The following SCNN1A variants were observed in gnomAD, a reference collection of about 807,000 sequenced individuals.
The protein encoded by SCNN1A is epithelial sodium channel subunit alpha.
A neutral mutation model predicts 68.6 loss-of-function variants in SCNN1A; 65 were observed. The ratio of observed to expected loss-of-function variants is 0.95; its 90% CI spans 0.78 to 1.16. SCNN1A has a LOEUF of 1.16. SCNN1A is among the 50% of genes most tolerant of loss of function. SCNN1A has a pLI of 0.00. For missense variants in SCNN1A, 880 were observed against 865.9 expected (o/e 1.02, Z -0.20); for synonymous variants, 357 against 353.3 (o/e 1.01, Z -0.12).
intron 4 of SCNN1A, among the ~76,000 whole-genome samples, chr12:6,361,127 T>C (rs1238661032): frequency 2.6e-5 from 4 of 152,242 alleles, no homozygotes; most frequent in Non-Finnish European, 5.9e-5. Context: ...TTTGATGTAG[T>C]CCAAATGCCT....
chr12:6,348,646 C>G (rs1015614530), intron 12 of SCNN1A, 81 bp downstream of exon 12: 1 of 1,228,112 alleles, frequency 8.1e-7, no homozygotes, highest in African/African-American at 1.5e-5. Flanking sequence ...CCCACAGAGA[C>G]AACCTTTTGG....
Position 6,374,438 on chromosome 12 carries a change from G to A in SCNN1A, c.346C>T (p.Leu116Phe), listed in dbSNP as rs777501442. 1.9e-6 allele frequency: 3 copies of A among 1,614,216 alleles called. No individual in the cohort carries two copies. In the East Asian group the frequency reaches 6.7e-5, roughly 36 times the overall value. Residue 116 changes from leucine to phenylalanine, a missense_variant, in exon 2 of 13, where the codon CTC (leucine) becomes TTC (phenylalanine). Leu to Phe is a conservative substitution (Grantham distance 22). Transcript: ENST00000228916. This position sits in a 1 kb window ranked among gnomAD's most constrained non-coding sequence, Gnocchi z 6.2. ...FGEYFSYPVS[L>F]NINLNSDKLV... is the part of the protein sequence containing the mutation. ...TTGTCCGAGTTGAGGTTGATGTTGAGGCTGACGGGGTAGCTGAAGTACTCT... is the reference window on the plus strand; with the variant it reads ...TTGTCCGAGTTGAGGTTGATGTTGAAGCTGACGGGGTAGCTGAAGTACTCT...
At chr12:6,362,011 G>A (rs1234498378) in intron 4 of SCNN1A, 40 bp downstream of exon 4, 1 of 1,606,966 alleles carries the variant, frequency 6.2e-7, no homozygotes, top group Non-Finnish European at 8.5e-7. Flanking sequence ...CAGGGAAGCG[G>A]ACCCCGCGGA....
chr12:6,353,626 G>A (rs1355556235), intron 8 of SCNN1A: 1 of 122,302 alleles, frequency 8.2e-6, no homozygotes, highest in African/African-American at 3.6e-5. Context: ...GAGTCTCGCT[G>A]TCACCCAGGC....
chr12:6,362,450 A>G (rs1446687202), intron 3 of SCNN1A, among the ~76,000 whole-genome samples: 1 of 152,190 alleles, frequency 6.6e-6, no homozygotes, highest in African/African-American at 2.4e-5. Context: ...GTTGCAGGCC[A>G]GGAAAGGAGA....
chr12:6,354,073 AC>A (rs1379742313), intron 8 of SCNN1A, among the ~76,000 whole-genome samples: 17 of 151,352 alleles, frequency 1.1e-4, no homozygotes, highest in Admixed American at 2.6e-4. Flanking sequence ...TACTAAAAAT[AC>A]CAAAAAATTA....
At chr12:6,356,911 T>A (rs938037201) in intron 4 of SCNN1A, among the ~76,000 whole-genome samples, 2 of 152,140 alleles carry the variant, frequency 1.3e-5, no homozygotes, top group African/African-American at 4.8e-5. Context: ...GGTTGTACGG[T>A]CTCAAGCAGG....
chr12:6,361,265 C>T (rs1948575530), intron 4 of SCNN1A, among the ~76,000 whole-genome samples: 2 of 152,320 alleles, frequency 1.3e-5, no homozygotes, highest in South Asian at 2.1e-4. Context: ...TGATGTGATA[C>T]ATCCAGAGTC....
Position 6,354,496 on chromosome 12 carries a change from G to T in SCNN1A, c.1302C>A (p.Ile434=). 6.2e-7 allele frequency: 1 copy of T among 1,613,860 alleles called. No individual in the cohort carries two copies. The highest frequency in any genetic ancestry group is 8.5e-7 in the Non-Finnish European group (1 of 1,180,006). The part of the protein sequence containing the change: ...SMIKECGCAY[I]FYPRPQNVEY... ...CCACGTTCTGGGGCCGCGGATAGAA[G>T]ATGTAGGCACAGCCACACTCCTTGA... is the stretch of plus-strand genomic sequence containing the variant. The change falls in exon 8 of 13, where the codon ATC becomes ATA. Residue 434 remains isoleucine (I), a synonymous_variant. Coordinates refer to ENST00000228916, the MANE Select transcript of SCNN1A (RefSeq NM_001038.6).
chr12:6,359,541 G>A (rs1331072812), intron 4 of SCNN1A, among the ~76,000 whole-genome samples: 2 of 152,104 alleles, frequency 1.3e-5, no homozygotes, highest in Admixed American at 6.6e-5. Context: ...TCACAGTAAT[G>A]AGTGAATCCT....
At chr12:6,368,325 A>G (rs1354686750) in intron 2 of SCNN1A, among the ~76,000 whole-genome samples, 1 of 152,156 alleles carries the variant, frequency 6.6e-6, no homozygotes, top group East Asian at 1.9e-4. Context: ...AGGTACAGAA[A>G]CACCCGGATT....
chr12:6,348,829 G>C (rs1462134195), intron 11 of SCNN1A, 27 bp from the exon 12 acceptor site: 1 of 1,610,512 alleles, frequency 6.2e-7, no homozygotes, highest in Non-Finnish European at 8.5e-7. Context: ...AGGGTGGGAA[G>C]AAATGGTAGA....
intron 8 of SCNN1A, among the ~76,000 whole-genome samples, chr12:6,352,585 G>A (rs1297819774): frequency 6.6e-6 from 1 of 152,202 alleles, no homozygotes; most frequent in Non-Finnish European, 1.5e-5. Flanking sequence ...GAAATCACAG[G>A]TGGCATCTCC....
rs1948889421 is a variant in SCNN1A, at chr12:6,375,525, G to C, written c.-75C>G. On this transcript the variant is annotated 5_prime_UTR_variant, in exon 1 of 13. Transcript: ENST00000228916. ...CTCACCTGACAGGTGCAGCGGCCTG[G>C]CTGGGGAGCCCGCCCGCTGGCCGGC... is the stretch of plus-strand genomic sequence containing the variant. The C allele has an allele frequency of 2.0e-6, 3 of 1,535,376 alleles. No individual in the cohort carries two copies. The highest frequency in any genetic ancestry group is 2.6e-6 in the Non-Finnish European group (3 of 1,146,740).
chr12:6,375,624 G>C, upstream of SCNN1A: 4 of 1,498,640 alleles, frequency 2.7e-6, no homozygotes, highest in Non-Finnish European at 3.6e-6. Context: ...GGGCTGAGGA[G>C]GAGTCAGAGC....
intron 4 of SCNN1A, among the ~76,000 whole-genome samples, chr12:6,359,932 G>A (rs184519384): frequency 7.2e-5 from 11 of 152,034 alleles, no homozygotes; most frequent in East Asian, 5.8e-4. Flanking sequence ...CACCACACCC[G>A]GCTAATTTTT....
rs921808400 is a variant in SCNN1A at position 6,347,640 on chromosome 12, G to A, written c.*233C>T. 3.4e-6 allele frequency: 2 copies of A among 583,404 alleles called. No homozygotes were observed. The highest frequency in any genetic ancestry group is 6.1e-6 in the Non-Finnish European group (2 of 326,094). The allele number at this position is 583,404 out of a possible 1,614,324, so 36.1% of individuals were successfully genotyped here. A position where few individuals can be genotyped will look rare whatever the true frequency, so the allele number is the denominator to read the frequency against. On this transcript the variant is annotated 3_prime_UTR_variant, in exon 13 of 13. Transcript: ENST00000228916. The stretch of plus-strand genomic sequence containing the variant: ...TTGGGTGGGGAAACCAGAGTGTTCA[G>A]AGGCAGTACCAAGGGGTACAGGGCT...
At chr12:6,363,896 G>A in intron 2 of SCNN1A, 186 bp from the exon 3 acceptor site, 1 of 483,474 alleles carries the variant, frequency 2.1e-6, no homozygotes, top group South Asian at 3.8e-5. Context: ...GTGTCCGCCG[G>A]GAAGGCGGAG....
chr12:6,355,969 C>G lies in SCNN1A; in HGVS notation c.876-89G>C. On this transcript the variant is annotated intron_variant, in intron 4 of 12. Coordinates refer to ENST00000228916, the MANE Select transcript of SCNN1A (RefSeq NM_001038.6). ...TGAGGCAGAGAGAAATGTCCACTCT[C>G]TTAAACTCCTACAGGACTTGTGCCT... 3 of 867,008 alleles carry G rather than the reference C, an allele frequency of 3.5e-6. No homozygotes were observed. The South Asian group carries it at 3.9e-5, about 11-fold the overall frequency. The allele number at this position is 867,008 out of a possible 1,614,324, so 53.7% of individuals were successfully genotyped here.
Sources: gnomAD v4.1 joint callset for allele counts (sites outside exome capture counted in the v4.1 genomes callset) on GRCh38, gnomAD v4.1.1 for gene constraint, Gnocchi (gnomAD v3.1) non-coding constraint, MANE v1.5 for transcripts, NCBI Gene and HGNC (gene_info 2026-07-23, HGNC 2026-07-21) for gene names.